Variants in USP14 observed in about 807,000 individuals in gnomAD.
The protein encoded by USP14 is ubiquitin specific peptidase 14.
USP14 carries 38 observed loss-of-function variants against 76.5 expected under a neutral mutation model. That is an observed-to-expected ratio of 0.50 (90% confidence interval 0.38 to 0.65). The LOEUF is 0.65. USP14 is among the 30% of genes least tolerant of loss of function. The probability of loss-of-function intolerance (pLI) is 0.00; values close to 1 mark genes in which losing one functional copy is unlikely to be tolerated. For missense variants in USP14, 467 were observed against 586.5 expected (o/e 0.80, Z 2.10); for synonymous variants, 192 against 191.7 (o/e 1.00, Z -0.01).
chr18:183,412 G>A (rs1473140343), intron 5 of USP14, among the ~76,000 whole-genome samples: 1 of 151,520 alleles, frequency 6.6e-6, no homozygotes, highest in East Asian at 1.9e-4. Flanking sequence ...CTTTTAGTCT[G>A]AGGACTCTTG....
intron 5 of USP14, among the ~76,000 whole-genome samples, chr18:191,783 G>A (rs532535951): frequency 2.0e-5 from 3 of 152,256 alleles, no homozygotes; most frequent in African/African-American, 7.2e-5. Flanking sequence ...GATATTGGGT[G>A]ATACTAGTTT....
chr18:176,019 A>G (rs1331198124), intron 3 of USP14, among the ~76,000 whole-genome samples: 1 of 152,112 alleles, frequency 6.6e-6, no homozygotes, highest in Non-Finnish European at 1.5e-5. Flanking sequence ...TGATTGTCAT[A>G]TTCTACTGTT....
rs144117386 is a variant in USP14, at chr18:213,346, T to TATCA, written c.*2063_*2066dup. On this transcript the variant is annotated 3_prime_UTR_variant, in exon 16 of 16. Transcript: ENST00000261601. ...ATTTTAAAAATTGTAATTAATTCCTTATCATCATTATAAAAAGCTTGATTT... is the reference window on the plus strand; with the variant it reads ...ATTTTAAAAATTGTAATTAATTCCTTATCAATCATCATTATAAAAAGCTTGATTT... 1.8e-4 allele frequency: 28 copies of TATCA among 151,930 alleles called. No homozygotes were observed. Among genetic ancestry groups the TATCA allele is most frequent in the African/African-American group, 6.8e-4 (28 of 41,434 alleles). 9.4% of individuals were successfully genotyped at this position (151,930 alleles called of 1,614,324 possible).
Position 212,176 on chromosome 18 carries a change from ATCT to A in USP14, c.*897_*899del, listed in dbSNP as rs1427934225. 3 of 152,144 alleles carry A rather than the reference ATCT, an allele frequency of 2.0e-5. No individual in the cohort carries two copies. Among genetic ancestry groups the A allele is most frequent in the African/African-American group, 7.2e-5 (3 of 41,432 alleles). 9.4% of individuals were successfully genotyped at this position (152,144 alleles called of 1,614,324 possible). A position where few individuals can be genotyped will look rare whatever the true frequency, so the allele number is the denominator to read the frequency against. On this transcript the variant is annotated 3_prime_UTR_variant, in exon 16 of 16. Coordinates refer to ENST00000261601, the MANE Select transcript of USP14 (RefSeq NM_005151.4). ...AAGCATCCATTTAAAAATATTTGTTATCTTCTTTGCCTGCCTGTATTTTAAAAA... is the reference window on the plus strand; with the variant it reads ...AAGCATCCATTTAAAAATATTTGTTATCTTTGCCTGCCTGTATTTTAAAAA...
At chr18:204,971 C>T (rs569776165) in intron 13 of USP14, among the ~76,000 whole-genome samples, 7 of 151,760 alleles carry the variant, frequency 4.6e-5, no homozygotes, top group Middle Eastern at 6.8e-3. Flanking sequence ...ACCTCCCAGG[C>T]GCAAATGATC....
At chr18:163,102 T>A (rs1473210465) in intron 1 of USP14, 1 of 413,416 alleles carries the variant, frequency 2.4e-6, no homozygotes. Context: ...TCTTTAACTA[T>A]GAAATGAGAA....
intron 12 of USP14, among the ~76,000 whole-genome samples, chr18:203,767 G>A (rs1177743228): frequency 2.6e-5 from 4 of 152,036 alleles, no homozygotes; most frequent in African/African-American, 9.7e-5. Context: ...CCGCCACCGT[G>A]CCCGGCTAAT....
chr18:188,314 T>C (rs1423317134), intron 5 of USP14, among the ~76,000 whole-genome samples: 1 of 152,176 alleles, frequency 6.6e-6, no homozygotes, highest in Non-Finnish European at 1.5e-5. Context: ...GTTGACCTAG[T>C]ACTAAGATTT....
At chr18:161,234 T>C (rs745363361) in intron 1 of USP14, among the ~76,000 whole-genome samples, 2 of 152,156 alleles carry the variant, frequency 1.3e-5, no homozygotes, top group Non-Finnish European at 2.9e-5. Context: ...GGCCTCTTTA[T>C]GTATGATTTA....
chr18:214,496 G>T lies in USP14; in HGVS notation c.*3212G>T. The T allele has an allele frequency of 1.3e-6, 1 of 764,710 alleles. No individual in the cohort carries two copies. The highest frequency in any genetic ancestry group is 2.0e-6 in the Non-Finnish European group (1 of 487,872). The allele number at this position is 764,710 out of a possible 1,614,324, so 47.4% of individuals were successfully genotyped here. A position where few individuals can be genotyped will look rare whatever the true frequency, so the allele number is the denominator to read the frequency against. On this transcript the variant is annotated 3_prime_UTR_variant, in exon 16 of 16. Transcript: ENST00000261601. ...GCCAATATGTGTTCTATTGTTCTCA[G>T]AGCACCAGCCGACTGTACAACAATT... is the stretch of plus-strand genomic sequence containing the variant.
intron 3 of USP14, among the ~76,000 whole-genome samples, chr18:171,779 C>T (rs535187839): frequency 6.6e-6 from 1 of 152,304 alleles, no homozygotes; most frequent in South Asian, 2.1e-4. Flanking sequence ...AAAGGATTCA[C>T]CTGAATTCTT....
At chr18:168,221 C>T (rs181086784) in intron 3 of USP14, among the ~76,000 whole-genome samples, 130 of 152,006 alleles carry the variant, frequency 8.6e-4, no homozygotes, top group African/African-American at 3.1e-3. Context: ...CCACCGCACC[C>T]GGCCAAAATA....
chr18:182,732 TA>T (rs747809831), intron 5 of USP14, among the ~76,000 whole-genome samples: 9 of 152,188 alleles, frequency 5.9e-5, no homozygotes, highest in Non-Finnish European at 1.0e-4. Flanking sequence ...AACTGGTATT[TA>T]AACAGTTAGG....
chr18:173,669 C>T (rs1379738577), intron 3 of USP14, among the ~76,000 whole-genome samples: 2 of 152,134 alleles, frequency 1.3e-5, no homozygotes, highest in Middle Eastern at 3.4e-3. Flanking sequence ...GTGATCCGCC[C>T]ACCTCGGCCT....
chr18:168,244 C>A (rs1350347328), intron 3 of USP14, among the ~76,000 whole-genome samples: 1 of 151,894 alleles, frequency 6.6e-6, no homozygotes, highest in Admixed American at 6.6e-5. Flanking sequence ...GTTGATTTTT[C>A]TAAGTTTATT....
chr18:195,990 T>C (rs1266526176), intron 6 of USP14, among the ~76,000 whole-genome samples: 2 of 152,072 alleles, frequency 1.3e-5, no homozygotes, highest in South Asian at 2.1e-4. Context: ...TTTTTTCTTA[T>C]TGAGAGTCCA....
At chr18:202,760 T>G in intron 10 of USP14, 120 bp from the exon 11 acceptor site, 1 of 827,214 alleles carries the variant, frequency 1.2e-6, no homozygotes, top group East Asian at 2.7e-5. Context: ...AACCCATTGA[T>G]GTACTGTATA....
chr18:182,067 T>C (rs1909802049), intron 5 of USP14, among the ~76,000 whole-genome samples: 1 of 152,182 alleles, frequency 6.6e-6, no homozygotes, highest in African/African-American at 2.4e-5. Flanking sequence ...TTCTTTTCCA[T>C]TTATATATAT....
At chr18:205,730 A>G (rs1025457602) in intron 13 of USP14, among the ~76,000 whole-genome samples, 1 of 152,216 alleles carries the variant, frequency 6.6e-6, no homozygotes, top group East Asian at 1.9e-4. Context: ...GTAATGAGCC[A>G]TGATTGTGCC....
Sources: gnomAD v4.1 joint callset for allele counts (sites outside exome capture counted in the v4.1 genomes callset) on GRCh38, gnomAD v4.1.1 for gene constraint, MANE v1.5 for transcripts, NCBI Gene and HGNC (gene_info 2026-07-23, HGNC 2026-07-21) for gene names.